MBD5: variants seen among roughly 807,000 people sequenced by gnomAD.
The protein encoded by MBD5 is methyl-CpG-binding domain protein 5.
A neutral mutation model predicts 117.3 loss-of-function variants in MBD5; 13 were observed. That is an observed-to-expected ratio of 0.11 (90% CI 0.07 to 0.18). The LOEUF (loss-of-function observed/expected upper bound fraction) is 0.18, where lower values mean the gene tolerates loss of function less well. Ranked by LOEUF, MBD5 falls within the 10% of genes least tolerant of loss-of-function variation. The pLI, the probability that MBD5 is intolerant of heterozygous loss-of-function variation, is 1.00. For missense variants in MBD5, 1,879 were observed against 2,093.8 expected (o/e 0.90, Z 2.00); for synonymous variants, 727 against 766.4 (o/e 0.95, Z 0.85).
At chr2:148,353,161 C>T (rs1703287069) in intron 4 of MBD5, among the ~76,000 whole-genome samples, 1 of 151,996 alleles carries the variant, frequency 6.6e-6, no homozygotes, top group African/African-American at 2.4e-5. Flanking sequence ...AAAGGTTCTG[C>T]TTTTAACATG....
chr2:148,339,005 G>A (rs1482859122), intron 3 of MBD5, among the ~76,000 whole-genome samples: 1 of 152,140 alleles, frequency 6.6e-6, no homozygotes, highest in Non-Finnish European at 1.5e-5. Context: ...TCGTGACAAC[G>A]TGGAGAGAAG....
At chr2:148,355,365 T>C (rs1703355436) in intron 4 of MBD5, among the ~76,000 whole-genome samples, 1 of 151,940 alleles carries the variant, frequency 6.6e-6, no homozygotes, top group Non-Finnish European at 1.5e-5. Flanking sequence ...CCTGCCTATA[T>C]CCTGAATGGT....
intron 1 of MBD5, among the ~76,000 whole-genome samples, chr2:148,133,362 G>A (rs16828285): frequency 0.012 from 1,878 of 152,254 alleles, 45 homozygotes; most frequent in African/African-American, 0.043. Context: ...AGCCAAGAAA[G>A]TTATTCTCAG....
chr2:148,341,894 T>C (rs1702957700), intron 3 of MBD5, among the ~76,000 whole-genome samples: 1 of 151,998 alleles, frequency 6.6e-6, no homozygotes, highest in African/African-American at 2.4e-5. Context: ...ATATAAAGGA[T>C]CTAGCATTGT....
At chr2:148,290,627 T>C (rs1701479103) in intron 3 of MBD5, among the ~76,000 whole-genome samples, 1 of 152,196 alleles carries the variant, frequency 6.6e-6, no homozygotes, top group African/African-American at 2.4e-5. Flanking sequence ...CATTATTTTC[T>C]CTTCATTTCC....
rs765557921 is a variant in MBD5, at chr2:148,468,366, G to A, written c.423G>A (p.Arg141=). The A allele has an allele frequency of 1.2e-6, 2 of 1,613,254 alleles. No homozygotes were observed. The highest frequency in any genetic ancestry group is 2.2e-5 in the South Asian group (2 of 91,026). ...GTNATPVVPS[R]AATPRSVRNK... is the part of the protein sequence containing the mutation. Reference sequence around the variant, plus strand: ...ATGCAACTCCAGTAGTACCTTCTCGGGCAGCAACTCCAAGATCAGTAAGAA... The same window carrying A: ...ATGCAACTCCAGTAGTACCTTCTCGAGCAGCAACTCCAAGATCAGTAAGAA... The change falls in exon 8 of 14, where the codon CGG becomes CGA. Residue 141 remains arginine, a synonymous_variant. Coordinates refer to ENST00000642680, the MANE Select transcript of MBD5 (RefSeq NM_001378120.1).
intron 1 of MBD5, among the ~76,000 whole-genome samples, chr2:148,135,629 T>A (rs1697152580): frequency 6.6e-6 from 1 of 152,172 alleles, no homozygotes; most frequent in Admixed American, 6.5e-5. Context: ...GAATACATTA[T>A]TATTTCCCTT....
At chr2:148,433,267 G>A (rs147197192) in intron 4 of MBD5, among the ~76,000 whole-genome samples, 18 of 152,098 alleles carry the variant, frequency 1.2e-4, no homozygotes, top group Middle Eastern at 3.4e-3. Flanking sequence ...GAGACTATGG[G>A]GTTTTCTAGA....
At chr2:148,229,085 A>G (rs969740061) in intron 2 of MBD5, among the ~76,000 whole-genome samples, 5 of 151,774 alleles carry the variant, frequency 3.3e-5, no homozygotes, top group Non-Finnish European at 7.4e-5. Flanking sequence ...GATTTTTTTG[A>G]AGGGTTTTTT....
At chr2:148,103,515 C>T (rs895428125) in intron 1 of MBD5, among the ~76,000 whole-genome samples, 51 of 152,228 alleles carry the variant, frequency 3.4e-4, no homozygotes, top group Admixed American at 6.5e-5. Context: ...CAGGAAGCAA[C>T]GCAACCTGTT....
chr2:148,450,548 C>T (rs1423564526), intron 4 of MBD5, among the ~76,000 whole-genome samples: 2 of 152,134 alleles, frequency 1.3e-5, no homozygotes, highest in Admixed American at 1.3e-4. Context: ...GGCTGGACAG[C>T]GAGACTTCTC....
Position 148,490,124 on chromosome 2 carries a change from A to G in MBD5, c.4492A>G (p.Arg1498Gly), listed in dbSNP as rs1165120864. The change falls in exon 11 of 14, where the codon AGG (arginine) becomes GGG (glycine). Residue 1498 changes from arginine (R) to glycine (G), a missense_variant. Around this residue, in one of 4 missense-constraint regions of MBD5, gnomAD observed 1,666 missense variants for 1,792.2 expected, o/e 0.93. Coordinates refer to ENST00000642680, the MANE Select transcript of MBD5 (RefSeq NM_001378120.1). ...GGATAAAATTCTAGAGGAAAATTTC[A>G]GGTATAATAACTACAAAAGAACTAT... ...PGDKILEENFRYNNYKRTMMS... is the reference protein window; with the variant it reads ...PGDKILEENFGYNNYKRTMMS... 1.9e-6 allele frequency: 3 copies of G among 1,614,058 alleles called. No homozygotes were observed. In the Admixed American group the frequency reaches 5.0e-5, roughly 27 times the overall value.
At chr2:148,179,165 G>C (rs1157861834) in intron 2 of MBD5, among the ~76,000 whole-genome samples, 1 of 152,038 alleles carries the variant, frequency 6.6e-6, no homozygotes, top group Non-Finnish European at 1.5e-5. Context: ...CCATCCTGGA[G>C]AACACGGTGA....
intron 4 of MBD5, among the ~76,000 whole-genome samples, chr2:148,381,085 C>T (rs908957093): frequency 7.9e-5 from 12 of 152,156 alleles, no homozygotes; most frequent in Non-Finnish European, 1.8e-4. Flanking sequence ...AGGAACACAG[C>T]TCCTCACCAG....
At chr2:148,180,516 G>T (rs1698505760) in intron 2 of MBD5, among the ~76,000 whole-genome samples, 2 of 151,522 alleles carry the variant, frequency 1.3e-5, no homozygotes, top group Non-Finnish European at 2.9e-5. Context: ...TCTGGTTTTT[G>T]TTGTTGTTGT....
At chr2:148,240,492 C>T (rs1217529688) in intron 3 of MBD5, among the ~76,000 whole-genome samples, 3 of 151,886 alleles carry the variant, frequency 2.0e-5, no homozygotes, top group Non-Finnish European at 4.4e-5. Flanking sequence ...TCAAGCAATC[C>T]TCCTGTTTCA....
intron 2 of MBD5, among the ~76,000 whole-genome samples, chr2:148,224,596 G>A (rs59986548): frequency 2.3e-5 from 3 of 131,838 alleles, no homozygotes; most frequent in Non-Finnish European, 4.6e-5. Context: ...CCTGAGCTCA[G>A]ACAATCTGCT....
At chr2:148,455,279 C>T (rs550063270) in intron 4 of MBD5, among the ~76,000 whole-genome samples, 6 of 152,058 alleles carry the variant, frequency 3.9e-5, no homozygotes, top group Non-Finnish European at 8.8e-5. Flanking sequence ...AGGGATGATC[C>T]TCCCATACTC....
intron 1 of MBD5, among the ~76,000 whole-genome samples, chr2:148,043,724 A>T (rs1558900142): frequency 1.3e-5 from 2 of 152,184 alleles, no homozygotes; most frequent in Admixed American, 1.3e-4. Flanking sequence ...GTAAAGAAAG[A>T]TATTTGTGCT....
Sources: gnomAD v4.1 joint callset for allele counts (sites outside exome capture counted in the v4.1 genomes callset) on GRCh38, gnomAD v4.1.1 for gene constraint, gnomAD v4.1.1 regional missense constraint, MANE v1.5 for transcripts, NCBI Gene and HGNC (gene_info 2026-07-23, HGNC 2026-07-21) for gene names.